The following PIP variants were observed in gnomAD, a reference collection of about 807,000 sequenced individuals.
The protein encoded by PIP is prolactin induced protein.
A neutral mutation model predicts 12.8 loss-of-function variants in PIP; 9 were observed. That is an observed-to-expected ratio of 0.70 (90% CI 0.42 to 1.23). The LOEUF (loss-of-function observed/expected upper bound fraction) is 1.23. PIP is among the 50% of genes most tolerant of loss of function. The probability of loss-of-function intolerance (pLI) is 0.00; values close to 1 mark genes in which losing one functional copy is unlikely to be tolerated. For synonymous variants in PIP, 60 were observed against 66.1 expected (o/e 0.91, Z 0.45); for missense variants, 172 against 179.5 (o/e 0.96, Z 0.24).
At position 143,132,224 on chromosome 7, in the gene PIP, C is replaced by T. The variant is rs181321866; in HGVS notation, c.95+13C>T. The T allele has an allele frequency of 2.9e-5, 47 of 1,612,208 alleles. No individual in the cohort carries two copies. The African/African-American group carries it at 5.7e-4, about 20-fold the overall frequency. On this transcript the variant is annotated intron_variant, in intron 1 of 3. Transcript: ENST00000291009. ...CTCAGGACAACACGTGAGCCATGCC[C>T]TTCTCCTCCCCACAAAAAAAATTGC...
At chr7:143,136,699 TA>T (rs1210132451) in intron 2 of PIP, among the ~76,000 whole-genome samples, 1 of 152,180 alleles carries the variant, frequency 6.6e-6, no homozygotes, top group East Asian at 1.9e-4. Context: ...GTAGGTATAA[TA>T]AGATATGTTT....
At chr7:143,137,717 T>G (rs985040620) in intron 2 of PIP, among the ~76,000 whole-genome samples, 7 of 151,918 alleles carry the variant, frequency 4.6e-5, no homozygotes, top group African/African-American at 1.7e-4. Context: ...TTGGCCAACA[T>G]GGTGAAACCC....
intron 1 of PIP, among the ~76,000 whole-genome samples, chr7:143,132,549 TA>T (rs1487369613): frequency 6.6e-6 from 1 of 152,158 alleles, no homozygotes; most frequent in Non-Finnish European, 1.5e-5. Flanking sequence ...CAGTAAACTT[TA>T]CCTTCTCACA....
chr7:143,137,903 GAA>G (rs60977776), intron 2 of PIP, among the ~76,000 whole-genome samples: 2,037 of 130,636 alleles, frequency 0.016, 59 homozygotes, highest in African/African-American at 0.051. Flanking sequence ...CTGTCTCTTA[GAA>G]AAAAAAAAAA....
intron 1 of PIP, among the ~76,000 whole-genome samples, chr7:143,132,984 T>C (rs1474902745): frequency 6.6e-6 from 1 of 152,012 alleles, no homozygotes; most frequent in Non-Finnish European, 1.5e-5. Context: ...TCAGATATCC[T>C]GTCCTGGAGG....
At chr7:143,139,336 C>G in intron 3 of PIP, 147 bp downstream of exon 3, 1 of 827,824 alleles carries the variant, frequency 1.2e-6, no homozygotes, top group Non-Finnish European at 2.0e-6. Flanking sequence ...ATGGGGAGAG[C>G]AGATGGGGAA....
At chr7:143,139,305 A>T in intron 3 of PIP, 116 bp downstream of exon 3, 1 of 842,240 alleles carries the variant, frequency 1.2e-6, no homozygotes, top group Non-Finnish European at 2.0e-6. Context: ...GCAGAAGGAC[A>T]GAAGGGAGGG....
chr7:143,133,712 C>A lies in PIP; in HGVS notation c.96-1482C>A, dbSNP rs1799268326. Among the ~76,000 whole-genome samples the A allele has an allele frequency of 1.3e-5, 2 of 152,032 alleles. 1 individual carries two copies. The highest frequency in any genetic ancestry group is 4.8e-5 in the African/African-American group (2 of 41,416). ...AATTTCCTAAGGAGCTAAATAAATA[C>A]AAATTCCTAAACCCTACCTGGGGAC... On this transcript the variant is annotated intron_variant, in intron 1 of 3. Transcript: ENST00000291009.
At chr7:143,135,452 C>T (rs1157129244) in intron 2 of PIP, among the ~76,000 whole-genome samples, 153 bp downstream of exon 2, 1 of 152,048 alleles carries the variant, frequency 6.6e-6, no homozygotes, top group African/African-American at 2.4e-5. Context: ...ACTGTGGGAG[C>T]TTGGGACAGA....
rs1487072188 is a variant in PIP at position 143,135,238 on chromosome 7, G to A, written c.140G>A (p.Arg47His). 5.0e-6 allele frequency: 8 copies of A among 1,602,378 alleles called. 1 individual carries two copies. The highest frequency in any genetic ancestry group is 5.1e-6 in the Non-Finnish European group (6 of 1,169,552). ...IKNFDIPKSV[R>H]PNDEVTAVLA... Reference sequence around the variant, plus strand: ...AATTTTGACATTCCCAAGTCAGTACGTCCAAATGACGAAGTCACTGCAGTG... The same window carrying A: ...AATTTTGACATTCCCAAGTCAGTACATCCAAATGACGAAGTCACTGCAGTG... Residue 47 changes from arginine to histidine, a missense_variant, in exon 2 of 4, where the codon CGT (arginine) becomes CAT (histidine). Coordinates refer to ENST00000291009, the MANE Select transcript of PIP (RefSeq NM_002652.3).
rs1004990722 is a variant in PIP at position 143,137,216 on chromosome 7, G to A, written c.202-1859G>A. Among the ~76,000 whole-genome samples the A allele has an allele frequency of 7.9e-5, 12 of 152,034 alleles. 1 individual carries two copies. Among genetic ancestry groups the A allele is most frequent in the Admixed American group, 4.6e-4 (7 of 15,256 alleles). The stretch of plus-strand genomic sequence containing the variant: ...ACATTTTTGTGCTACAGGCCATTTC[G>A]TTGGTTTCATGAAGTTTATGAAACA... On this transcript the variant is annotated intron_variant, in intron 2 of 3. Coordinates refer to ENST00000291009, the MANE Select transcript of PIP (RefSeq NM_002652.3).
rs1799276699 is a variant in PIP at position 143,134,212 on chromosome 7, AT to A, written c.96-981del. ...TATATATATATATATATATATATAT[AT>A]ATATATATATATATATATATACCAC... is the stretch of plus-strand genomic sequence containing the variant. On this transcript the variant is annotated intron_variant, in intron 1 of 3. Transcript: ENST00000291009. 7.7e-5 allele frequency among the ~76,000 whole-genome samples: 10 copies of A among 129,404 alleles called. 2 individuals are homozygous for A. Among genetic ancestry groups the A allele is most frequent in the Admixed American group, 1.5e-4 (2 of 12,948 alleles). 84.9% of individuals were successfully genotyped at this position (129,404 alleles called of 152,430 possible).
In PIP at chr7:143,139,572, C is replaced by G. The variant is rs148216903; in HGVS notation, c.371C>G (p.Pro124Arg). Residue 124 changes from proline to arginine, a missense_variant, in exon 4 of 4, where the codon CCT (proline) becomes CGT (arginine). Pro to Arg is a moderately radical substitution (Grantham distance 103). Coordinates refer to ENST00000291009, the MANE Select transcript of PIP (RefSeq NM_002652.3). Reference protein sequence around the residue: ...VDVIRELGICPDDAAVIPIKN... With the variant: ...VDVIRELGICRDDAAVIPIKN... ...GTTATTCGGGAATTAGGCATCTGCC[C>G]TGATGATGCTGCTGTAATCCCCATC... is the stretch of plus-strand genomic sequence containing the variant. 3.7e-4 allele frequency: 591 copies of G among 1,611,166 alleles called. 1 individual carries two copies. The African/African-American group carries it at 7.2e-3, about 20-fold the overall frequency.
At chr7:143,134,256 G>T (rs575978436) in intron 1 of PIP, among the ~76,000 whole-genome samples, 1,454 of 118,262 alleles carry the variant, frequency 0.012, 39 homozygotes, top group African/African-American at 0.042. Flanking sequence ...TTATCCACTC[G>T]TTGATTGATG....
intron 2 of PIP, among the ~76,000 whole-genome samples, chr7:143,138,379 G>C (rs1799332428): frequency 6.6e-6 from 1 of 152,044 alleles, no homozygotes; most frequent in Non-Finnish European, 1.5e-5. Flanking sequence ...TGGGTCTATG[G>C]ACCCCAGGAT....
intron 2 of PIP, among the ~76,000 whole-genome samples, chr7:143,136,101 A>T (rs1330519082): frequency 6.6e-6 from 1 of 152,026 alleles, no homozygotes; most frequent in Non-Finnish European, 1.5e-5. Flanking sequence ...AAGGGCCAGA[A>T]GTCAAATAGA....
chr7:143,134,231 TATAC>T (rs1563015896), intron 1 of PIP, among the ~76,000 whole-genome samples: 10 of 80,862 alleles, frequency 1.2e-4, no homozygotes, highest in Non-Finnish European at 1.0e-4. Flanking sequence ...TATATATATA[TATAC>T]CACAGTTTCT....
chr7:143,139,347 A>G (rs6959713), intron 3 of PIP, among the ~76,000 whole-genome samples, 158 bp downstream of exon 3: 58,640 of 151,792 alleles, frequency 0.39, 13,875 homozygotes, highest in African/African-American at 0.65. Context: ...AGATGGGGAA[A>G]GCACCCAGGT....
At chr7:143,134,467 C>G (rs559243119) in intron 1 of PIP, among the ~76,000 whole-genome samples, 1 of 151,608 alleles carries the variant, frequency 6.6e-6, no homozygotes, top group South Asian at 2.1e-4. Flanking sequence ...TAGCAGTTTA[C>G]ATTCCCGTCA....
Sources: allele counts gnomAD v4.1 joint callset (sites outside exome capture counted in the v4.1 genomes callset), GRCh38; gene constraint gnomAD v4.1.1; transcripts MANE v1.5; gene names NCBI Gene and HGNC (gene_info 2026-07-23, HGNC 2026-07-21).